Variants in KCNIP4 observed in about 807,000 individuals in gnomAD.
The protein encoded by KCNIP4 is Kv channel-interacting protein 4.
Under a neutral mutation model 34.0 loss-of-function variants are expected in KCNIP4, and 12 were observed. The observed-to-expected ratio is 0.35, with a 90% CI of 0.23 to 0.57. KCNIP4 has a LOEUF of 0.57. Among genes scored for constraint, KCNIP4 ranks in the 20% least tolerant of loss-of-function variants. The probability of loss-of-function intolerance (pLI) is 0.83; values close to 1 mark genes in which losing one functional copy is unlikely to be tolerated. For missense variants in KCNIP4, 238 were observed against 311.7 expected (o/e 0.76, Z 1.78); for synonymous variants, 124 against 102.2 (o/e 1.21, Z -1.29).
intron 1 of KCNIP4, among the ~76,000 whole-genome samples, chr4:21,667,339 A>G: frequency 6.6e-6 from 1 of 152,212 alleles, no homozygotes. Context: ...CGTTAATTCA[A>G]AAACCATGTA....
chr4:20,953,239 G>GTC (rs1732965279), intron 1 of KCNIP4, among the ~76,000 whole-genome samples: 1 of 152,120 alleles, frequency 6.6e-6, no homozygotes, highest in Admixed American at 6.5e-5. Flanking sequence ...CGGCTTCTGT[G>GTC]TCTCTCTTCA....
At position 21,753,894 on chromosome 4, in the gene KCNIP4, GCTT is replaced by G. The variant is rs1427516974; in HGVS notation, c.61+194674_61+194676del. Among the ~76,000 whole-genome samples the G allele has an allele frequency of 2.0e-5, 3 of 152,178 alleles. No homozygotes were observed. The East Asian group carries it at 5.8e-4, about 29-fold the overall frequency. ...CGTGGAGATTCCTGTTCCACTCTCAGCTTCTTCTCTCCATCTACTGACCCCCTC... is the reference window on the plus strand; with the variant it reads ...CGTGGAGATTCCTGTTCCACTCTCAGCTTCTCTCCATCTACTGACCCCCTC... On this transcript the variant is annotated intron_variant, in intron 1 of 8. Transcript: ENST00000382152.
intron 1 of KCNIP4, among the ~76,000 whole-genome samples, chr4:20,997,818 G>A (rs563777161): frequency 2.6e-5 from 4 of 152,292 alleles, no homozygotes; most frequent in East Asian, 1.9e-4. Context: ...CTAGGGACCC[G>A]CTCCTAATGA....
At chr4:20,970,482 C>T (rs1734822507) in intron 1 of KCNIP4, among the ~76,000 whole-genome samples, 1 of 152,148 alleles carries the variant, frequency 6.6e-6, no homozygotes, top group South Asian at 2.1e-4. Flanking sequence ...GGTTATACCT[C>T]AACTCTATGG....
intron 3 of KCNIP4, among the ~76,000 whole-genome samples, chr4:20,831,511 A>G (rs6447984): frequency 0.78 from 118,451 of 152,076 alleles, 46,286 homozygotes; most frequent in South Asian, 0.85. Context: ...ACTTCTTGAA[A>G]ACCAGGTTCA....
intron 1 of KCNIP4, among the ~76,000 whole-genome samples, chr4:21,714,796 T>C (rs1015827473): frequency 0.019 from 9 of 484 alleles, 1 homozygote; most frequent in East Asian, 0.17. Flanking sequence ...ATTATTTTAT[T>C]TTATTTTATT....
intron 1 of KCNIP4, among the ~76,000 whole-genome samples, chr4:21,474,301 A>C (rs535034733): frequency 6.6e-6 from 1 of 152,218 alleles, no homozygotes; most frequent in African/African-American, 2.4e-5. Context: ...TATTATTGAA[A>C]CTGCCACAGT....
intron 1 of KCNIP4, among the ~76,000 whole-genome samples, chr4:21,571,726 G>T (rs1457888456): frequency 6.6e-6 from 1 of 152,110 alleles, no homozygotes; most frequent in Non-Finnish European, 1.5e-5. Flanking sequence ...GGGGTCATGA[G>T]ATGTGACAGT....
intron 1 of KCNIP4, among the ~76,000 whole-genome samples, chr4:21,209,006 T>C (rs1757045258): frequency 6.6e-6 from 1 of 152,072 alleles, no homozygotes; most frequent in Admixed American, 6.6e-5. Context: ...TCCAATTACT[T>C]CCACCTGGTC....
chr4:20,962,070 G>C (rs1349591571), intron 1 of KCNIP4, among the ~76,000 whole-genome samples: 2 of 152,030 alleles, frequency 1.3e-5, no homozygotes, highest in African/African-American at 4.8e-5. Flanking sequence ...TTTTCTGATG[G>C]GTAAATTTAG....
At chr4:20,824,678 C>CA (rs757408314) in intron 3 of KCNIP4, among the ~76,000 whole-genome samples, 5 of 151,604 alleles carry the variant, frequency 3.3e-5, no homozygotes, top group Admixed American at 2.0e-4. Flanking sequence ...GACTCCATCT[C>CA]AAAAAAAATG....
intron 1 of KCNIP4, among the ~76,000 whole-genome samples, chr4:21,052,845 T>C (rs1430622181): frequency 6.6e-6 from 1 of 152,082 alleles, no homozygotes; most frequent in Non-Finnish European, 1.5e-5. Flanking sequence ...GGAGAGGTGC[T>C]AGTGTCTGGG....
intron 1 of KCNIP4, among the ~76,000 whole-genome samples, chr4:21,667,560 A>G (rs954673082): frequency 2.6e-5 from 4 of 152,200 alleles, no homozygotes; most frequent in African/African-American, 9.7e-5. Flanking sequence ...CAGACATGAT[A>G]TTTTTGTAAT....
At chr4:21,070,969 C>A (rs1344792395) in intron 1 of KCNIP4, among the ~76,000 whole-genome samples, 1 of 152,054 alleles carries the variant, frequency 6.6e-6, no homozygotes, top group Non-Finnish European at 1.5e-5. Context: ...GCCACCATGC[C>A]TGGCCTGAGT....
At chr4:21,526,023 A>G (rs115028288) in intron 1 of KCNIP4, among the ~76,000 whole-genome samples, 1,606 of 152,286 alleles carry the variant, frequency 0.011, 27 homozygotes, top group African/African-American at 0.037. Context: ...TCTTCGATGA[A>G]TGAATATGCA....
At chr4:21,633,979 G>A (rs188527161) in intron 1 of KCNIP4, among the ~76,000 whole-genome samples, 5 of 151,862 alleles carry the variant, frequency 3.3e-5, no homozygotes, top group Non-Finnish European at 4.4e-5. Context: ...GATAGTCATC[G>A]TAGAGCTTCT....
At chr4:21,119,657 T>C (rs1309027439) in intron 1 of KCNIP4, among the ~76,000 whole-genome samples, 7 of 151,954 alleles carry the variant, frequency 4.6e-5, no homozygotes, top group African/African-American at 1.7e-4. Flanking sequence ...TTTTAAATCA[T>C]AGAAATTGGG....
At chr4:21,242,527 T>C (rs1759908420) in intron 1 of KCNIP4, among the ~76,000 whole-genome samples, 1 of 152,170 alleles carries the variant, frequency 6.6e-6, no homozygotes, top group Admixed American at 6.5e-5. Flanking sequence ...GAGATTAGCA[T>C]TGGATCAGTG....
At chr4:21,596,546 C>G (rs1004633963) in intron 1 of KCNIP4, among the ~76,000 whole-genome samples, 2 of 151,968 alleles carry the variant, frequency 1.3e-5, no homozygotes, top group Non-Finnish European at 2.9e-5. Flanking sequence ...TTTGAAACCC[C>G]CCTCCCTATC....
Sources: gnomAD v4.1 joint callset for allele counts (sites outside exome capture counted in the v4.1 genomes callset) on GRCh38, gnomAD v4.1.1 for gene constraint, MANE v1.5 for transcripts, NCBI Gene and HGNC (gene_info 2026-07-23, HGNC 2026-07-21) for gene names.